Variants in ANAPC10 observed in about 807,000 individuals in gnomAD.
The protein encoded by ANAPC10 is anaphase-promoting complex subunit 10.
A neutral mutation model predicts 22.0 loss-of-function variants in ANAPC10; 12 were observed. The ratio of observed to expected loss-of-function variants is 0.55; its 90% CI spans 0.35 to 0.88. The LOEUF (loss-of-function observed/expected upper bound fraction) is 0.88, where lower values mean the gene tolerates loss of function less well. Ranked by LOEUF, ANAPC10 falls within the 40% of genes least tolerant of loss-of-function variation. ANAPC10 has a pLI of 0.01. For missense variants in ANAPC10, 188 were observed against 220.9 expected (o/e 0.85, Z 0.94); for synonymous variants, 65 against 69.5 (o/e 0.94, Z 0.32).
intron 4 of ANAPC10, among the ~76,000 whole-genome samples, chr4:145,063,470 A>AGC (rs1743204596): frequency 2.7e-4 from 1 of 3,726 alleles, no homozygotes; most frequent in Non-Finnish European, 6.8e-3. Context: ...ACTCAGATTA[A>AGC]ACATAAATTT....
At chr4:145,087,258 T>A (rs1486752701) in intron 2 of ANAPC10, among the ~76,000 whole-genome samples, 2 of 152,130 alleles carry the variant, frequency 1.3e-5, no homozygotes, top group Non-Finnish European at 2.9e-5. Flanking sequence ...TAGAGACATA[T>A]TTGAGCAGCC....
At position 144,995,212 on chromosome 4, in the gene ANAPC10, A is replaced by G. The variant is rs1731438147; in HGVS notation, c.*161T>C. The G allele has an allele frequency of 2.2e-6, 1 of 448,492 alleles. No individual in the cohort carries two copies. The highest frequency in any genetic ancestry group is 3.9e-6 in the Non-Finnish European group (1 of 259,736). 27.8% of individuals were successfully genotyped at this position (448,492 alleles called of 1,614,324 possible). On this transcript the variant is annotated 3_prime_UTR_variant, in exon 5 of 5. Transcript: ENST00000507656. Reference sequence around the variant, plus strand: ...ATTACATGTTAAAGAAAATAAAGATAATATGACCCCAAATTTATTTGTCAA... The same window carrying G: ...ATTACATGTTAAAGAAAATAAAGATGATATGACCCCAAATTTATTTGTCAA...
intron 4 of ANAPC10, among the ~76,000 whole-genome samples, chr4:145,015,806 T>G (rs1445682781): frequency 1.3e-5 from 2 of 152,082 alleles, no homozygotes; most frequent in Admixed American, 6.5e-5. Context: ...AACAAAATTA[T>G]CAGCCAAGAA....
chr4:145,095,873 T>A, intron 2 of ANAPC10, 112 bp downstream of exon 2: 1 of 1,404,640 alleles, frequency 7.1e-7, no homozygotes, highest in East Asian at 2.3e-5. Flanking sequence ...ATCCATGGTT[T>A]TAGGCATCCA....
chr4:144,995,607 C>G lies in ANAPC10; in HGVS notation c.328-4G>C. ...TTGGTTCCACCAACTCAAGTTGCTG[C>G]CAAGGGAAAAAAAATCAGATTATGC... On this transcript the variant is annotated splice_region_variant and splice_polypyrimidine_tract_variant and intron_variant, in intron 4 of 4. Transcript: ENST00000507656. 1 of 1,584,810 alleles carries G rather than the reference C, an allele frequency of 6.3e-7. No individual in the cohort carries two copies. The highest frequency in any genetic ancestry group is 8.6e-7 in the Non-Finnish European group (1 of 1,165,250).
intron 4 of ANAPC10, among the ~76,000 whole-genome samples, chr4:145,017,100 C>G (rs1235213939): frequency 6.6e-6 from 1 of 152,268 alleles, no homozygotes; most frequent in South Asian, 2.1e-4. Context: ...GCAATCGCAA[C>G]AAAAGCCAAA....
intron 4 of ANAPC10, among the ~76,000 whole-genome samples, chr4:145,055,565 A>T (rs903366920): frequency 2.7e-5 from 4 of 150,196 alleles, no homozygotes; most frequent in South Asian, 2.1e-4. Context: ...CTCAATAAAT[A>T]AAAAAAAAAT....
chr4:145,020,446 C>A (rs1311932413), intron 4 of ANAPC10, among the ~76,000 whole-genome samples: 10 of 152,056 alleles, frequency 6.6e-5, no homozygotes, highest in Admixed American at 5.9e-4. Flanking sequence ...TAATAAAAGC[C>A]ATCTATGACA....
intron 4 of ANAPC10, among the ~76,000 whole-genome samples, chr4:145,001,073 T>C (rs771262649): frequency 2.0e-5 from 3 of 151,828 alleles, no homozygotes; most frequent in Non-Finnish European, 2.9e-5. Context: ...TTAGGAGAAA[T>C]ACCTAATGTA....
chr4:145,077,112 T>G (rs910515192), intron 3 of ANAPC10, among the ~76,000 whole-genome samples: 34 of 151,972 alleles, frequency 2.2e-4, no homozygotes, highest in Non-Finnish European at 2.1e-4. Flanking sequence ...GGCAGGAGAA[T>G]GGCGTGAAAC....
In ANAPC10 at chr4:145,096,127, G is replaced by A. The variant is rs1748473424; in HGVS notation, c.-12-16C>T. The A allele has an allele frequency of 6.2e-7, 1 of 1,607,392 alleles. No homozygotes were observed. Among genetic ancestry groups the A allele is most frequent in the Non-Finnish European group, 8.5e-7 (1 of 1,178,344 alleles). ...TTAAAATATTCTATGTAGAAAACAA[G>A]AATGCACACATTGTATCAGGAACTG... is the stretch of plus-strand genomic sequence containing the variant. On this transcript the variant is annotated splice_polypyrimidine_tract_variant and intron_variant, in intron 1 of 4. Coordinates refer to ENST00000507656, the MANE Select transcript of ANAPC10 (RefSeq NM_001256706.2).
chr4:145,036,342 A>G (rs1350659253), intron 4 of ANAPC10, among the ~76,000 whole-genome samples: 1 of 152,238 alleles, frequency 6.6e-6, no homozygotes, highest in Non-Finnish European at 1.5e-5. Flanking sequence ...AGAATTGTAC[A>G]CATCTAATAC....
At chr4:145,062,414 T>C (rs1160432284) in intron 4 of ANAPC10, among the ~76,000 whole-genome samples, 2 of 151,980 alleles carry the variant, frequency 1.3e-5, no homozygotes, top group Non-Finnish European at 1.5e-5. Flanking sequence ...GAGACCAACC[T>C]GGCCAAAACA....
At chr4:145,037,179 C>T (rs1341893443) in intron 4 of ANAPC10, among the ~76,000 whole-genome samples, 4 of 152,040 alleles carry the variant, frequency 2.6e-5, no homozygotes, top group Non-Finnish European at 5.9e-5. Flanking sequence ...GTCCTTCATA[C>T]TCCAGGTAAC....
At chr4:145,058,155 T>C (rs747552050) in intron 4 of ANAPC10, among the ~76,000 whole-genome samples, 5 of 152,198 alleles carry the variant, frequency 3.3e-5, no homozygotes, top group Non-Finnish European at 2.9e-5. Flanking sequence ...TCACAATATA[T>C]GTGTTGAATG....
chr4:145,048,616 C>T (rs1740664644), intron 4 of ANAPC10, among the ~76,000 whole-genome samples: 1 of 152,076 alleles, frequency 6.6e-6, no homozygotes, highest in Non-Finnish European at 1.5e-5. Context: ...TCTCCCCCAA[C>T]CACCTCCCTC....
chr4:145,001,689 C>T (rs563683532), intron 4 of ANAPC10, among the ~76,000 whole-genome samples: 141 of 152,234 alleles, frequency 9.3e-4, no homozygotes, highest in Non-Finnish European at 1.6e-3. Context: ...AATATTCTTT[C>T]GTTGATATCA....
intron 3 of ANAPC10, among the ~76,000 whole-genome samples, chr4:145,079,512 G>A (rs775244842): frequency 1.3e-5 from 2 of 152,236 alleles, no homozygotes; most frequent in Non-Finnish European, 2.9e-5. Context: ...ATTTGACCAA[G>A]CAATCCCATT....
At chr4:145,070,006 CTAAA>C (rs1433874860) in intron 3 of ANAPC10, among the ~76,000 whole-genome samples, 7 of 151,694 alleles carry the variant, frequency 4.6e-5, no homozygotes, top group African/African-American at 1.5e-4. Context: ...TAGTGAATAA[CTAAA>C]TAATTTAAAG....
Sources: gnomAD v4.1 joint callset for allele counts (sites outside exome capture counted in the v4.1 genomes callset) on GRCh38, gnomAD v4.1.1 for gene constraint, MANE v1.5 for transcripts, NCBI Gene and HGNC (gene_info 2026-07-23, HGNC 2026-07-21) for gene names.